ABHD17C: variants seen among roughly 807,000 people sequenced by gnomAD.
The protein encoded by ABHD17C is alpha/beta hydrolase domain-containing protein 17C.
In ABHD17C, 11 loss-of-function variants were observed where a neutral mutation model predicts 27.9. The observed-to-expected ratio is 0.39, with a 90% confidence interval of 0.25 to 0.65. The LOEUF (loss-of-function observed/expected upper bound fraction) is 0.65. Ranked by LOEUF, ABHD17C falls within the 30% of genes least tolerant of loss-of-function variation. The pLI, the probability that ABHD17C is intolerant of heterozygous loss-of-function variation, is 0.45. For synonymous variants in ABHD17C, 233 were observed against 209.1 expected, an observed-to-expected ratio of 1.11 and a Z score of -0.98; for missense variants, 280 against 470.2, an observed-to-expected ratio of 0.60 and a Z score of 3.74.
At chr15:80,749,758 A>G in intron 2 of ABHD17C, 66 bp downstream of exon 2, 1 of 1,518,456 alleles carries the variant, frequency 6.6e-7, no homozygotes, top group African/African-American at 1.4e-5. Context: ...TGATGCTCCC[A>G]TAAATATCTG....
chr15:80,734,782 A>C (rs1022901237), intron 1 of ABHD17C, among the ~76,000 whole-genome samples: 1 of 152,212 alleles, frequency 6.6e-6, no homozygotes, highest in Non-Finnish European at 1.5e-5. Context: ...AGAATTTCAA[A>C]CATCTAGGAT....
At chr15:80,728,733 C>T (rs1307548783) in intron 1 of ABHD17C, among the ~76,000 whole-genome samples, 1 of 152,328 alleles carries the variant, frequency 6.6e-6, no homozygotes, top group East Asian at 1.9e-4. Flanking sequence ...AAAAGGGCAT[C>T]TCCTCCCAAG....
At chr15:80,704,710 C>T (rs764852899) in intron 1 of ABHD17C, 1 of 152,158 alleles carries the variant, frequency 6.6e-6, no homozygotes, top group African/African-American at 2.4e-5. Context: ...AGGCTTCTGC[C>T]CCTCCTCTAG....
At chr15:80,753,218 A>C (rs982340220) in intron 2 of ABHD17C, among the ~76,000 whole-genome samples, 1 of 151,852 alleles carries the variant, frequency 6.6e-6, no homozygotes, top group Non-Finnish European at 1.5e-5. Context: ...TCTAAAAGTA[A>C]TATAAAGATA....
chr15:80,741,820 G>A (rs1308657840), intron 1 of ABHD17C, among the ~76,000 whole-genome samples: 1 of 152,148 alleles, frequency 6.6e-6, no homozygotes, highest in South Asian at 2.1e-4. Context: ...CGCCTCTCTT[G>A]TGCTTTGGAG....
At chr15:80,754,008 A>G in intron 2 of ABHD17C, 143 bp from the exon 3 acceptor site, 1 of 698,322 alleles carries the variant, frequency 1.4e-6, no homozygotes, top group Admixed American at 2.9e-5. Flanking sequence ...TAATTTAAAA[A>G]CAAAACAAAA....
intron 1 of ABHD17C, among the ~76,000 whole-genome samples, chr15:80,722,942 A>G (rs767764429): frequency 9.2e-5 from 14 of 152,224 alleles, no homozygotes; most frequent in Non-Finnish European, 1.6e-4. Flanking sequence ...GCATCTACAG[A>G]TTCAACCAAC....
chr15:80,737,717 A>G (rs1257851365), intron 1 of ABHD17C, among the ~76,000 whole-genome samples: 1 of 152,202 alleles, frequency 6.6e-6, no homozygotes, highest in Non-Finnish European at 1.5e-5. Flanking sequence ...AGGACGAGGT[A>G]GGACCGGAAT....
Position 80,718,660 on chromosome 15 carries a change from CT to C in ABHD17C, c.590+22644del, listed in dbSNP as rs544560912. Among the ~76,000 whole-genome samples, 714 of 152,288 alleles carry C rather than the reference CT, an allele frequency of 4.7e-3. 3 individuals carry two copies. The highest frequency in any genetic ancestry group is 0.017 in the African/African-American group (686 of 41,552). The stretch of plus-strand genomic sequence containing the variant: ...GCTTCTTGTAATTTTAAACCCCACA[CT>C]TTGCCCATCAATATCTCCTTGCCAC... On this transcript the variant is annotated intron_variant, in intron 1 of 2. Coordinates refer to ENST00000258884, the MANE Select transcript of ABHD17C (RefSeq NM_021214.2).
chr15:80,728,261 C>T lies in ABHD17C; in HGVS notation c.591-21252C>T, dbSNP rs563700599. 8.5e-5 allele frequency among the ~76,000 whole-genome samples: 13 copies of T among 152,336 alleles called. No individual in the cohort carries two copies. In the East Asian group the frequency reaches 9.6e-4, roughly 11 times the overall value. On this transcript the variant is annotated intron_variant, in intron 1 of 2. Transcript: ENST00000258884. ...GTTAAGGAGAGTGACTGTATGAACA[C>T]GTGCACGCACACTCACCTACCTACA... is the stretch of plus-strand genomic sequence containing the variant.
chr15:80,746,920 C>T (rs893165930), intron 1 of ABHD17C, among the ~76,000 whole-genome samples: 1 of 152,106 alleles, frequency 6.6e-6, no homozygotes, highest in African/African-American at 2.4e-5. Flanking sequence ...TAATGTTATC[C>T]TATATAATCC....
rs1280912367 is a variant in ABHD17C, at chr15:80,754,629, G to GTAC, written c.*259_*260insTAC. 2.4e-6 allele frequency: 1 copy of GTAC among 422,532 alleles called. No individual in the cohort carries two copies. Among genetic ancestry groups the GTAC allele is most frequent in the Non-Finnish European group, 4.3e-6 (1 of 232,668 alleles). 26.2% of individuals were successfully genotyped at this position (422,532 alleles called of 1,614,324 possible). On this transcript the variant is annotated 3_prime_UTR_variant, in exon 3 of 3. Transcript: ENST00000258884. Reference sequence around the variant, plus strand: ...GGAATGGGAATGAGAGCTGAATGTAGGGACAATTTTCTAGTGCTGTATAAA... The same window carrying GTAC: ...GGAATGGGAATGAGAGCTGAATGTAGTACGGACAATTTTCTAGTGCTGTATAAA...
intron 1 of ABHD17C, among the ~76,000 whole-genome samples, chr15:80,714,248 G>A (rs750358802): frequency 4.6e-5 from 7 of 152,190 alleles, no homozygotes; most frequent in Non-Finnish European, 8.8e-5. Context: ...GAGCCATCAC[G>A]CCCAGCCTGT....
chr15:80,719,387 TC>T (rs1383909747), intron 1 of ABHD17C, among the ~76,000 whole-genome samples: 2 of 152,216 alleles, frequency 1.3e-5, no homozygotes, highest in East Asian at 3.8e-4. Context: ...CTTTATTTCT[TC>T]TTCTGTCCCC....
At chr15:80,728,327 G>C (rs1344731292) in intron 1 of ABHD17C, among the ~76,000 whole-genome samples, 1 of 152,106 alleles carries the variant, frequency 6.6e-6, no homozygotes, top group Non-Finnish European at 1.5e-5. Context: ...TGATGTACAG[G>C]GGCCTTCTAA....
intron 1 of ABHD17C, among the ~76,000 whole-genome samples, chr15:80,719,091 G>A (rs1899895260): frequency 6.6e-6 from 1 of 152,164 alleles, no homozygotes; most frequent in Non-Finnish European, 1.5e-5. Flanking sequence ...TAAATGAGTA[G>A]CATTTTAATG....
At chr15:80,722,936 C>G (rs1472455423) in intron 1 of ABHD17C, among the ~76,000 whole-genome samples, 1 of 152,206 alleles carries the variant, frequency 6.6e-6, no homozygotes, top group African/African-American at 2.4e-5. Context: ...GCTTTCGCAT[C>G]TACAGATTCA....
intron 1 of ABHD17C, among the ~76,000 whole-genome samples, chr15:80,706,091 G>T (rs560390104): frequency 9.8e-5 from 15 of 152,298 alleles, no homozygotes; most frequent in African/African-American, 3.6e-4. Context: ...CTTATGAGAC[G>T]ATCCTTAATA....
intron 1 of ABHD17C, among the ~76,000 whole-genome samples, chr15:80,712,828 C>A (rs929766668): frequency 3.3e-5 from 5 of 152,130 alleles, no homozygotes; most frequent in African/African-American, 1.2e-4. Context: ...TACTGACTGC[C>A]TATCAGCTTC....
Sources: allele counts gnomAD v4.1 joint callset (sites outside exome capture counted in the v4.1 genomes callset), GRCh38; gene constraint gnomAD v4.1.1; transcripts MANE v1.5; gene names NCBI Gene and HGNC (gene_info 2026-07-23, HGNC 2026-07-21).